DDX17: variants seen among roughly 807,000 people sequenced by gnomAD.
The protein encoded by DDX17 is DEAD-box helicase 17, also known as probable ATP-dependent RNA helicase DDX17.
Under a neutral mutation model 80.8 loss-of-function variants are expected in DDX17, and 10 were observed. The ratio of observed to expected loss-of-function variants is 0.12; its 90% CI spans 0.08 to 0.21. The LOEUF is 0.21. Among genes scored for constraint, DDX17 ranks in the 10% least tolerant of loss-of-function variants. The pLI, the probability that DDX17 is intolerant of heterozygous loss-of-function variation, is 1.00. For synonymous variants in DDX17, 339 were observed against 336.2 expected (o/e 1.01, Z -0.09); for missense variants, 586 against 957.4 (o/e 0.61, Z 5.12).
intron 8 of DDX17, 72 bp downstream of exon 8, chr22:38,494,558 A>G (rs961689444): frequency 2.1e-6 from 3 of 1,427,972 alleles, no homozygotes; most frequent in East Asian, 4.6e-5. Context: ...TGGTTTCTAC[A>G]GTACTAATTT....
Position 38,493,886 on chromosome 22 carries a change from G to A in DDX17, c.1326-115C>T. On this transcript the variant is annotated intron_variant, in intron 9 of 12. Transcript: ENST00000403230. Reference sequence around the variant, plus strand: ...TAAGGTTTGTCAGGCTTCATGAATAGATGACTGTGCTCATTAAAAGAGCAA... The same window carrying A: ...TAAGGTTTGTCAGGCTTCATGAATAAATGACTGTGCTCATTAAAAGAGCAA... The A allele has an allele frequency of 8.1e-6, 10 of 1,240,344 alleles. No homozygotes were observed. The South Asian group carries it at 1.1e-4, about 14-fold the overall frequency. 76.8% of individuals were successfully genotyped at this position (1,240,344 alleles called of 1,614,324 possible).
At chr22:38,497,003 T>TA (rs1569140787) in intron 5 of DDX17, among the ~76,000 whole-genome samples, 1 of 152,032 alleles carries the variant, frequency 6.6e-6, no homozygotes, top group South Asian at 2.1e-4. Flanking sequence ...GCTTATTTCT[T>TA]AAAAAAGTTA....
intron 1 of DDX17, among the ~76,000 whole-genome samples, chr22:38,503,692 C>T (rs749004971): frequency 2.0e-5 from 3 of 152,196 alleles, no homozygotes; most frequent in Non-Finnish European, 4.4e-5. Context: ...TTTAATTTGG[C>T]TTTACAAAAA....
intron 4 of DDX17, 30 bp downstream of exon 4, chr22:38,498,410 T>C (rs751286552): frequency 1.9e-6 from 3 of 1,612,280 alleles, no homozygotes; most frequent in Non-Finnish European, 2.5e-6. Context: ...GTTACCACAA[T>C]ATCAAGGATC....
chr22:38,492,106 G>C lies in DDX17; in HGVS notation c.1397C>G (p.Ser466Cys), dbSNP rs754439100. The change falls in exon 11 of 13, where the codon TCT becomes TGT. Residue 466 changes from serine (S) to cysteine (C), a missense_variant. Coordinates refer to ENST00000403230, the MANE Select transcript of DDX17 (RefSeq NM_006386.5). The stretch of plus-strand genomic sequence containing the variant: ...AGCAATAAGGATGGGTGCCTTTCCA[G>C]AACGGAACTCTGTAAAAACAAACAA... 6.2e-7 allele frequency: 1 copy of C among 1,610,720 alleles called. No homozygotes were observed. The highest frequency in any genetic ancestry group is 2.2e-5 in the East Asian group (1 of 44,696).
chr22:38,501,345 G>C (rs1307410203), intron 1 of DDX17, 65 bp from the exon 2 acceptor site: 7 of 1,519,898 alleles, frequency 4.6e-6, no homozygotes, highest in South Asian at 1.3e-5. Flanking sequence ...CATGCCATAA[G>C]AATATTCAAA....
At chr22:38,486,892 C>CGGGG (rs200395134) in intron 12 of DDX17, among the ~76,000 whole-genome samples, 1 of 152,046 alleles carries the variant, frequency 6.6e-6, no homozygotes, top group Admixed American at 6.5e-5. Flanking sequence ...CAACCATGAC[C>CGGGG]GGGGGCACAC....
Position 38,485,815 on chromosome 22 carries a change from A to AT in DDX17, c.*119dup, listed in dbSNP as rs1471249545. Reference sequence around the variant, plus strand: ...CAAATCACGATGGTTGGGGGGAAAAATTAAAAAAAAAAAAAGAAAAAAGGA... The same window carrying AT: ...CAAATCACGATGGTTGGGGGGAAAAATTTAAAAAAAAAAAAAGAAAAAAGGA... On this transcript the variant is annotated 3_prime_UTR_variant, in exon 13 of 13. Coordinates refer to ENST00000403230, the MANE Select transcript of DDX17 (RefSeq NM_006386.5). The AT allele has an allele frequency of 8.2e-5, 94 of 1,146,216 alleles. No individual in the cohort carries two copies. The Middle Eastern group carries it at 9.1e-4, about 11-fold the overall frequency. The allele number at this position is 1,146,216 out of a possible 1,614,324, so 71.0% of individuals were successfully genotyped here.
chr22:38,497,984 G>T, intron 5 of DDX17, 101 bp downstream of exon 5: 1 of 1,061,314 alleles, frequency 9.4e-7, no homozygotes. Context: ...CCTATGGAGG[G>T]TGTGGTTAAG....
intron 5 of DDX17, among the ~76,000 whole-genome samples, chr22:38,497,016 T>G (rs1033509032): frequency 5.5e-4 from 83 of 152,022 alleles, no homozygotes; most frequent in African/African-American, 1.9e-3. Context: ...AAAAGTTAAG[T>G]AGGCCGGGCG....
intron 3 of DDX17, among the ~76,000 whole-genome samples, chr22:38,499,000 G>A (rs2089799344): frequency 6.6e-6 from 1 of 152,132 alleles, no homozygotes; most frequent in African/African-American, 2.4e-5. Context: ...TGACAACGTT[G>A]AGACTCCGTT....
chr22:38,495,524 C>A (rs999876234), intron 6 of DDX17, among the ~76,000 whole-genome samples: 5 of 152,124 alleles, frequency 3.3e-5, no homozygotes, highest in Non-Finnish European at 7.4e-5. Context: ...GGATTACAGG[C>A]ATGAGCCACC....
At chr22:38,490,106 T>A (rs1322466316) in intron 11 of DDX17, 7 of 1,138,772 alleles carry the variant, frequency 6.1e-6, no homozygotes, top group African/African-American at 4.9e-5. Flanking sequence ...TGTGTGTGCA[T>A]GCACAGCTGG....
intron 8 of DDX17, 173 bp downstream of exon 8, chr22:38,494,457 G>T: frequency 2.9e-6 from 2 of 684,278 alleles, no homozygotes; most frequent in Non-Finnish European, 4.8e-6. Context: ...CAGAATCCTT[G>T]CATTTAACCA....
chr22:38,486,298 A>T lies in DDX17; in HGVS notation c.1827T>A (p.Asp609Glu), dbSNP rs890706736. The T allele has an allele frequency of 6.2e-7, 1 of 1,614,090 alleles. No individual in the cohort carries two copies. Among genetic ancestry groups the T allele is most frequent in the Non-Finnish European group, 8.5e-7 (1 of 1,180,050 alleles). Residue 609 changes from aspartate (D) to glutamate (E), a missense_variant, in exon 13 of 13, where the codon GAT (aspartate) becomes GAA (glutamate). Around this residue, in one of 4 missense-constraint regions of DDX17, gnomAD observed 221 missense variants for 261.4 expected, o/e 0.85. Transcript: ENST00000403230. ...CACTGCCATTAGCATAACCAGCTCT[A>T]TCGGTTTCACTACGATCCCGATAGC...
chr22:38,495,332 G>A (rs113460184), intron 6 of DDX17, among the ~76,000 whole-genome samples: 6 of 143,698 alleles, frequency 4.2e-5, no homozygotes, highest in African/African-American at 5.2e-5. Context: ...TGCAAGCTCC[G>A]ACTCCCAGGT....
intron 4 of DDX17, 111 bp from the exon 5 acceptor site, chr22:38,498,261 C>A: frequency 1.4e-6 from 2 of 1,410,664 alleles, no homozygotes; most frequent in South Asian, 1.3e-5. Context: ...ACAGAACTTA[C>A]CACTGCTATA....
chr22:38,501,472 T>G (rs1339605762), intron 1 of DDX17, among the ~76,000 whole-genome samples, 192 bp from the exon 2 acceptor site: 2 of 152,150 alleles, frequency 1.3e-5, no homozygotes, highest in Non-Finnish European at 2.9e-5. Flanking sequence ...CAATAAATAC[T>G]GTTTATGAAT....
chr22:38,489,666 G>A lies in DDX17; in HGVS notation c.1448-1551C>T. ...GTTGTTACAGGGCTTGTGAAGAAGGGGCATTATGTCTGTTTCTTATTACAA... is the reference window on the plus strand; with the variant it reads ...GTTGTTACAGGGCTTGTGAAGAAGGAGCATTATGTCTGTTTCTTATTACAA... On this transcript the variant is annotated intron_variant, in intron 11 of 12. Coordinates refer to ENST00000403230, the MANE Select transcript of DDX17 (RefSeq NM_006386.5). This position sits in a 1 kb window ranked among gnomAD's most constrained non-coding sequence, Gnocchi z 4.6. 1 of 985,194 alleles carries A rather than the reference G, an allele frequency of 1.0e-6. No individual in the cohort carries two copies. The highest frequency in any genetic ancestry group is 1.2e-6 in the Non-Finnish European group (1 of 829,906). 61.0% of individuals were successfully genotyped at this position (985,194 alleles called of 1,614,324 possible).
Sources: gnomAD v4.1 joint callset for allele counts (sites outside exome capture counted in the v4.1 genomes callset) on GRCh38, gnomAD v4.1.1 for gene constraint, gnomAD v4.1.1 regional missense constraint, Gnocchi (gnomAD v3.1) non-coding constraint, MANE v1.5 for transcripts, NCBI Gene and HGNC (gene_info 2026-07-23, HGNC 2026-07-21) for gene names.